Variants in CTXND2 observed in about 807,000 individuals in gnomAD.
CTXND2 encodes cortexin domain containing 2.
intron 1 of CTXND2, among the ~76,000 whole-genome samples, chr1:150,896,549 G>C (rs777441777): frequency 3.3e-5 from 5 of 152,086 alleles, no homozygotes; most frequent in Non-Finnish European, 5.9e-5. Flanking sequence ...TAAAATCTTA[G>C]TGTCTTTATT....
At chr1:150,887,707 G>T (rs1668791939) in intron 1 of CTXND2, among the ~76,000 whole-genome samples, 1 of 152,032 alleles carries the variant, frequency 6.6e-6, no homozygotes, top group Admixed American at 6.6e-5. Context: ...GTAAAAAAAA[G>T]CTGCATTATT....
chr1:150,887,615 C>T (rs1318116874), intron 1 of CTXND2, among the ~76,000 whole-genome samples: 1 of 152,056 alleles, frequency 6.6e-6, no homozygotes, highest in Non-Finnish European at 1.5e-5. Context: ...ATGTCTTGAG[C>T]ATAGTCTCTT....
At chr1:150,903,438 T>G (rs1669077786) in intron 1 of CTXND2, among the ~76,000 whole-genome samples, 1 of 152,024 alleles carries the variant, frequency 6.6e-6, no homozygotes, top group East Asian at 1.9e-4. Context: ...TTCTCTTTGA[T>G]TTTTAACTTT....
intron 1 of CTXND2, among the ~76,000 whole-genome samples, chr1:150,890,658 CA>C (rs967011805): frequency 1.2e-4 from 18 of 152,112 alleles, no homozygotes; most frequent in African/African-American, 4.1e-4. Flanking sequence ...CATGTGCCAC[CA>C]CGCCTGGCTA....
chr1:150,892,592 G>A (rs1284203769), intron 1 of CTXND2, among the ~76,000 whole-genome samples: 1 of 148,150 alleles, frequency 6.7e-6, no homozygotes, highest in Admixed American at 6.8e-5. Flanking sequence ...GGATTGCAGT[G>A]GTATGAAATG....
intron 1 of CTXND2, among the ~76,000 whole-genome samples, chr1:150,901,156 AACAAAAG>A (rs1669019909): frequency 6.6e-6 from 1 of 152,170 alleles, no homozygotes; most frequent in Non-Finnish European, 1.5e-5. Flanking sequence ...CACTTAAGAT[AACAAAAG>A]AATAAAATAG....
chr1:150,898,469 C>G (rs1668939527), intron 1 of CTXND2, among the ~76,000 whole-genome samples: 1 of 151,998 alleles, frequency 6.6e-6, no homozygotes, highest in Non-Finnish European at 1.5e-5. Context: ...AAAAAATCCC[C>G]CTTACTGGCC....
intron 1 of CTXND2, among the ~76,000 whole-genome samples, chr1:150,888,419 T>C (rs1248202314): frequency 6.6e-6 from 1 of 151,838 alleles, no homozygotes; most frequent in Non-Finnish European, 1.5e-5. Flanking sequence ...TTTCACCATG[T>C]TGGCCAGGCT....
intron 1 of CTXND2, among the ~76,000 whole-genome samples, chr1:150,897,304 A>G (rs1347625775): frequency 6.6e-6 from 1 of 152,206 alleles, no homozygotes; most frequent in Non-Finnish European, 1.5e-5. Context: ...GGAAAGAAAC[A>G]GAGAAGAAAA....
chr1:150,902,083 T>C (rs759887337), intron 1 of CTXND2, among the ~76,000 whole-genome samples: 1 of 151,884 alleles, frequency 6.6e-6, no homozygotes, highest in East Asian at 1.9e-4. Flanking sequence ...CTGGCCAACA[T>C]GGTGAAACTC....
intron 1 of CTXND2, among the ~76,000 whole-genome samples, chr1:150,901,030 T>G (rs1321040366): frequency 3.3e-5 from 5 of 152,114 alleles, no homozygotes; most frequent in Non-Finnish European, 1.5e-5. Flanking sequence ...GAGGATCCCT[T>G]GAGCCCAGGA....
intron 1 of CTXND2, among the ~76,000 whole-genome samples, chr1:150,891,042 C>T (rs773051739): frequency 6.6e-6 from 1 of 152,078 alleles, no homozygotes; most frequent in African/African-American, 2.4e-5. Context: ...ACCCTACACC[C>T]AAGAGAAGCA....
Position 150,905,433 on chromosome 1 carries a change from G to A in CTXND2, c.-73-6809G>A, listed in dbSNP as rs150056499. ...AGTGCTGGGATTATAGGCATGAGCC[G>A]TGGCACCCGGCCTTATCTGCCCATT... On this transcript the variant is annotated intron_variant, in intron 1 of 1. Transcript: ENST00000636087. Among the ~76,000 whole-genome samples, 116 of 151,970 alleles carry A rather than the reference G, an allele frequency of 7.6e-4. 1 individual carries two copies. The Middle Eastern group carries it at 0.031, about 40-fold the overall frequency.
intron 1 of CTXND2, among the ~76,000 whole-genome samples, chr1:150,900,574 G>C (rs947436807): frequency 8.5e-5 from 13 of 152,136 alleles, no homozygotes; most frequent in Non-Finnish European, 1.8e-4. Context: ...CTTGAACCCG[G>C]GAGGTGGAGG....
rs1669277601 is a variant in CTXND2 at position 150,912,784 on chromosome 1, A to G, written c.*302A>G. ...GTAACATAATGTCATCATGCTTGGT[A>G]AGGTCCACCTGAAACTAGAAGCTCA... On this transcript the variant is annotated 3_prime_UTR_variant, in exon 2 of 2. Coordinates refer to ENST00000636087, the Ensembl canonical transcript of CTXND2. The G allele has an allele frequency of 1.8e-5, 4 of 218,262 alleles. 1 individual carries two copies. In the East Asian group the frequency reaches 3.7e-4, roughly 20 times the overall value. 13.5% of individuals were successfully genotyped at this position (218,262 alleles called of 1,614,324 possible).
rs72992031 is a variant in CTXND2 at position 150,902,562 on chromosome 1, G to C, written c.-73-9680G>C. On this transcript the variant is annotated intron_variant, in intron 1 of 1. Transcript: ENST00000636087. ...CAGCCTGGCCGACGGAAATGAATGA[G>C]ATTCATCACCTATAGGAGGTAGGTA... 5.3e-3 allele frequency among the ~76,000 whole-genome samples: 811 copies of C among 152,168 alleles called. 9 individuals carry two copies. Among genetic ancestry groups the C allele is most frequent in the African/African-American group, 0.018 (741 of 41,518 alleles).
chr1:150,902,862 C>T lies in CTXND2; in HGVS notation c.-73-9380C>T, dbSNP rs587616514. Among the ~76,000 whole-genome samples the T allele has an allele frequency of 4.6e-5, 7 of 152,074 alleles. No homozygotes were observed. In the South Asian group the frequency reaches 1.5e-3, roughly 32 times the overall value. ...AAAGTAGTCACCTTTGGTATTTTCC[C>T]TCTGTACACCTTTCTCCTACAGAGT... On this transcript the variant is annotated intron_variant, in intron 1 of 1. Coordinates refer to ENST00000636087, the Ensembl canonical transcript of CTXND2.
intron 1 of CTXND2, among the ~76,000 whole-genome samples, chr1:150,896,274 C>A (rs1668913350): frequency 6.6e-6 from 1 of 152,132 alleles, no homozygotes; most frequent in Non-Finnish European, 1.5e-5. Flanking sequence ...AAAGGCAGAA[C>A]CCTGATACTT....
intron 1 of CTXND2, among the ~76,000 whole-genome samples, chr1:150,908,570 A>G (rs1669193803): frequency 1.3e-5 from 2 of 152,128 alleles, no homozygotes; most frequent in Non-Finnish European, 2.9e-5. Flanking sequence ...ATGCAGAAAA[A>G]GAAATTTCTA....
Sources: allele counts gnomAD v4.1 joint callset (sites outside exome capture counted in the v4.1 genomes callset), GRCh38; gene constraint gnomAD v4.1.1; transcripts MANE v1.5; gene names NCBI Gene and HGNC (gene_info 2026-07-23, HGNC 2026-07-21).